Variants in ITPR1 observed in about 807,000 individuals in gnomAD.
ITPR1 encodes the protein inositol 1,4,5-trisphosphate receptor type 1.
A neutral mutation model predicts 318.4 loss-of-function variants in ITPR1; 96 were observed. The observed-to-expected ratio is 0.30, with a 90% CI of 0.26 to 0.36. The LOEUF (loss-of-function observed/expected upper bound fraction) is 0.36. ITPR1 is among the 10% of genes least tolerant of loss of function. The pLI, the probability that ITPR1 is intolerant of heterozygous loss-of-function variation, is 1.00. For missense variants in ITPR1, 2,440 were observed against 3,460.2 expected, an observed-to-expected ratio of 0.71 and a Z score of 7.40; for synonymous variants, 1,312 against 1,289.9, an observed-to-expected ratio of 1.02 and a Z score of -0.37.
At chr3:4,549,878 G>C (rs896790016) in intron 4 of ITPR1, among the ~76,000 whole-genome samples, 2 of 152,134 alleles carry the variant, frequency 1.3e-5, no homozygotes, top group Non-Finnish European at 2.9e-5. Context: ...GGAACCTTTC[G>C]AGGGCAGAAA....
At chr3:4,667,759 A>T (rs951978179) in intron 18 of ITPR1, among the ~76,000 whole-genome samples, 2 of 152,150 alleles carry the variant, frequency 1.3e-5, no homozygotes, top group African/African-American at 4.8e-5. Flanking sequence ...TCCCACCTGG[A>T]TGAGCTTGGG....
At chr3:4,621,362 A>G (rs1289979485) in intron 4 of ITPR1, among the ~76,000 whole-genome samples, 1 of 152,066 alleles carries the variant, frequency 6.6e-6, no homozygotes, top group South Asian at 2.1e-4. Flanking sequence ...CTTTTAAACA[A>G]CTAGATCTTG....
intron 4 of ITPR1, among the ~76,000 whole-genome samples, chr3:4,602,562 C>T (rs1392174765): frequency 3.4e-5 from 5 of 145,026 alleles, no homozygotes. Flanking sequence ...TGTACATAAA[C>T]ATTTATAGCA....
intron 1 of ITPR1, among the ~76,000 whole-genome samples, chr3:4,494,133 C>T (rs566457429): frequency 6.6e-6 from 1 of 152,342 alleles, no homozygotes; most frequent in Admixed American, 6.5e-5. Flanking sequence ...GGCCTTCTCG[C>T]CGGGAAACAA....
At chr3:4,541,772 C>T (rs1054908453) in intron 4 of ITPR1, among the ~76,000 whole-genome samples, 12 of 152,100 alleles carry the variant, frequency 7.9e-5, no homozygotes, top group East Asian at 1.9e-4. Context: ...ACTACCAGCA[C>T]GTGCCACCAT....
chr3:4,835,515 G>A (rs12493413), intron 60 of ITPR1, among the ~76,000 whole-genome samples: 38,688 of 151,980 alleles, frequency 0.25, 6,475 homozygotes, highest in Non-Finnish European at 0.37. Context: ...ACAAAATGTC[G>A]CCGACCCCCA....
chr3:4,663,934 T>C (rs972311221), intron 16 of ITPR1, among the ~76,000 whole-genome samples: 4 of 152,210 alleles, frequency 2.6e-5, no homozygotes, highest in African/African-American at 4.8e-5. Flanking sequence ...CAAATTTCAC[T>C]TAGTGATATG....
intron 51 of ITPR1, among the ~76,000 whole-genome samples, chr3:4,786,616 C>T (rs1260756930): frequency 6.6e-6 from 1 of 152,198 alleles, no homozygotes; most frequent in Non-Finnish European, 1.5e-5. Context: ...TACTGTAACC[C>T]ATAGCCCTTT....
intron 22 of ITPR1, 130 bp downstream of exon 22, chr3:4,674,473 AT>A (rs1434690861): frequency 1.4e-6 from 1 of 722,884 alleles, no homozygotes; most frequent in African/African-American, 1.8e-5. Flanking sequence ...ATGGAAAGGA[AT>A]TCAGCTTGGT....
At chr3:4,654,430 C>A (rs919803993) in intron 12 of ITPR1, among the ~76,000 whole-genome samples, 16 of 152,178 alleles carry the variant, frequency 1.1e-4, no homozygotes, top group African/African-American at 3.6e-4. Context: ...ATTTTAAGTG[C>A]AAAATGGCTC....
At chr3:4,623,321 G>T (rs774623659) in intron 4 of ITPR1, among the ~76,000 whole-genome samples, 1 of 152,114 alleles carries the variant, frequency 6.6e-6, no homozygotes, top group Non-Finnish European at 1.5e-5. Context: ...CCTTTATTCA[G>T]CTGCATTCTC....
At chr3:4,524,277 A>G (rs1334982884) in intron 4 of ITPR1, among the ~76,000 whole-genome samples, 1 of 141,988 alleles carries the variant, frequency 7.0e-6, no homozygotes, top group Non-Finnish European at 1.5e-5. Context: ...GCATTCCTTC[A>G]ACTGCGGTGC....
intron 40 of ITPR1, among the ~76,000 whole-genome samples, chr3:4,723,923 A>G (rs2042334001): frequency 6.6e-6 from 1 of 152,184 alleles, no homozygotes; most frequent in South Asian, 2.1e-4. Flanking sequence ...TTCTTTTTGC[A>G]CTAAGGGAAG....
chr3:4,600,778 TTCACTCC>T (rs1225852744), intron 4 of ITPR1, among the ~76,000 whole-genome samples: 1 of 152,036 alleles, frequency 6.6e-6, no homozygotes, highest in East Asian at 1.9e-4. Context: ...CTAAAATTGA[TTCACTCC>T]CCACCCCCAA....
In ITPR1 at chr3:4,755,028, C is replaced by T. The variant is rs374438287; in HGVS notation, c.5545-11502C>T. ...TTGGAGTCTCCTTAACTTCTTGTTC[C>T]TGGGTCAGAGCCACAGGGTCCTCCA... On this transcript the variant is annotated intron_variant, in intron 44 of 61. Transcript: ENST00000649015. Among the ~76,000 whole-genome samples, 43 of 152,332 alleles carry T rather than the reference C, an allele frequency of 2.8e-4. No individual in the cohort carries two copies. The South Asian group carries it at 7.9e-3, about 28-fold the overall frequency.
chr3:4,538,623 A>G (rs556546286), intron 4 of ITPR1, among the ~76,000 whole-genome samples: 2 of 152,348 alleles, frequency 1.3e-5, no homozygotes, highest in East Asian at 3.9e-4. Flanking sequence ...ACTATTCACA[A>G]TAGCAAAGGC....
At chr3:4,526,984 G>T (rs978063107) in intron 4 of ITPR1, among the ~76,000 whole-genome samples, 1 of 152,188 alleles carries the variant, frequency 6.6e-6, no homozygotes, top group Non-Finnish European at 1.5e-5. Context: ...ATAAAACCTG[G>T]CCTACTGGGG....
chr3:4,645,969 T>G lies in ITPR1; in HGVS notation c.855+241T>G, dbSNP rs17760545. ...GTTGGGGATGGCATAGTGAAGTAAG[T>G]GCATCATGGCATATCATGGTGCTGC... On this transcript the variant is annotated intron_variant, in intron 10 of 61. Coordinates refer to ENST00000649015, the MANE Select transcript of ITPR1 (RefSeq NM_001378452.1). The G allele has an allele frequency of 0.12, 56,027 of 468,642 alleles. 3,937 individuals carry two copies. The highest frequency in any genetic ancestry group is 0.17 in the Middle Eastern group (304 of 1,758). 29.0% of individuals were successfully genotyped at this position (468,642 alleles called of 1,614,324 possible). A position where few individuals can be genotyped will look rare whatever the true frequency, so the allele number is the denominator to read the frequency against.
intron 5 of ITPR1, among the ~76,000 whole-genome samples, chr3:4,638,215 G>A (rs1246791749): frequency 1.3e-4 from 20 of 152,198 alleles, no homozygotes. Flanking sequence ...TCTAGGAAGA[G>A]TGCCTTCGAA....
Sources: allele counts gnomAD v4.1 joint callset (sites outside exome capture counted in the v4.1 genomes callset), GRCh38; gene constraint gnomAD v4.1.1; transcripts MANE v1.5; gene names NCBI Gene and HGNC (gene_info 2026-07-23, HGNC 2026-07-21).